HEATR5A: variants seen among roughly 807,000 people sequenced by gnomAD.
The protein encoded by HEATR5A is HEAT repeat containing 5A, also known as HEAT repeat-containing protein 5A.
HEATR5A carries 178 observed loss-of-function variants against 218.8 expected under a neutral mutation model. That is an observed-to-expected ratio of 0.81 (90% CI 0.72 to 0.92). The LOEUF (loss-of-function observed/expected upper bound fraction) is 0.92. Among genes scored for constraint, HEATR5A ranks in the 40% least tolerant of loss-of-function variants. The probability of loss-of-function intolerance (pLI) is 0.00; values close to 1 mark genes in which losing one functional copy is unlikely to be tolerated. For missense variants in HEATR5A, 2,420 were observed against 2,418.9 expected, an observed-to-expected ratio of 1.00 and a Z score of -0.01; for synonymous variants, 864 against 871.6, an observed-to-expected ratio of 0.99 and a Z score of 0.15.
At chr14:31,355,390 T>C (rs1313105584) in intron 16 of HEATR5A, among the ~76,000 whole-genome samples, 1 of 150,808 alleles carries the variant, frequency 6.6e-6, no homozygotes, top group East Asian at 2.0e-4. Flanking sequence ...TCCAGCCTGG[T>C]TGACAGAGCA....
At chr14:31,414,650 T>C (rs2139329010) in intron 1 of HEATR5A, among the ~76,000 whole-genome samples, 1 of 152,308 alleles carries the variant, frequency 6.6e-6, no homozygotes, top group South Asian at 2.1e-4. Flanking sequence ...CATCTGTTGC[T>C]TGTGCAATCT....
intron 16 of HEATR5A, among the ~76,000 whole-genome samples, 152 bp from the exon 17 acceptor site, chr14:31,350,869 C>T (rs756382092): frequency 3.3e-5 from 5 of 152,236 alleles, no homozygotes; most frequent in African/African-American, 4.8e-5. Context: ...CCTCCACCTT[C>T]CTGGCTCAAG....
At chr14:31,356,328 C>G (rs1156342811) in intron 16 of HEATR5A, among the ~76,000 whole-genome samples, 1 of 152,148 alleles carries the variant, frequency 6.6e-6, no homozygotes, top group African/African-American at 2.4e-5. Context: ...CCTCTAACTC[C>G]CAGTATCAAG....
intron 1 of HEATR5A, among the ~76,000 whole-genome samples, chr14:31,407,310 T>C (rs1034766427): frequency 2.0e-5 from 3 of 152,270 alleles, no homozygotes; most frequent in Middle Eastern, 3.4e-3. Context: ...TTTGTGGATA[T>C]ACGGAACTAG....
intron 11 of HEATR5A, 43 bp from the exon 12 acceptor site, chr14:31,375,011 T>A (rs370547366): frequency 1.2e-5 from 18 of 1,514,048 alleles, no homozygotes; most frequent in Non-Finnish European, 1.4e-5. Context: ...AATCCAAGGT[T>A]GTCACTCTTT....
intron 18 of HEATR5A, among the ~76,000 whole-genome samples, chr14:31,348,413 T>TAA (rs200988626): frequency 1.4e-5 from 2 of 147,516 alleles, no homozygotes; most frequent in African/African-American, 2.5e-5. Flanking sequence ...CTGTCTCTAC[T>TAA]AAAAAAAAAA....
intron 26 of HEATR5A, among the ~76,000 whole-genome samples, chr14:31,317,521 C>A (rs1450949190): frequency 1.3e-5 from 2 of 152,062 alleles, no homozygotes; most frequent in Non-Finnish European, 2.9e-5. Flanking sequence ...GTCTCTAACT[C>A]CTGACCTCAA....
chr14:31,302,852 C>T (rs1051308542), intron 32 of HEATR5A: 5 of 232,252 alleles, frequency 2.2e-5, no homozygotes, highest in Non-Finnish European at 4.2e-5. Flanking sequence ...TAAAGTTTAC[C>T]ATTTTAACCA....
intron 22 of HEATR5A, among the ~76,000 whole-genome samples, chr14:31,331,260 A>G (rs531163115): frequency 5.1e-4 from 77 of 152,142 alleles, no homozygotes; most frequent in African/African-American, 1.7e-3. Flanking sequence ...TTTTAAACAT[A>G]AATTCCAATT....
At position 31,293,658 on chromosome 14, in the gene HEATR5A, T is replaced by C. The variant is rs1422922130; in HGVS notation, c.5834-46A>G. 4.0e-6 allele frequency: 6 copies of C among 1,508,988 alleles called. No individual in the cohort carries two copies. The South Asian group carries it at 7.9e-5, about 20-fold the overall frequency. 93.5% of individuals were successfully genotyped at this position (1,508,988 alleles called of 1,614,324 possible). A position where few individuals can be genotyped will look rare whatever the true frequency, so the allele number is the denominator to read the frequency against. ...ATAAGTTCAGTGACATAAATGTTTC[T>C]AACAAAAGCCTGCAAATGCACTTGA... On this transcript the variant is annotated intron_variant, in intron 35 of 35. Transcript: ENST00000543095.
chr14:31,299,563 T>C (rs1899298456), intron 33 of HEATR5A, among the ~76,000 whole-genome samples: 1 of 148,228 alleles, frequency 6.7e-6, no homozygotes, highest in African/African-American at 2.5e-5. Flanking sequence ...CTACTAAAAA[T>C]ACAAAAAAAA....
chr14:31,411,912 G>A (rs1470235561), intron 1 of HEATR5A, among the ~76,000 whole-genome samples: 1 of 152,062 alleles, frequency 6.6e-6, no homozygotes, highest in East Asian at 1.9e-4. Context: ...CTAGAGTGCA[G>A]TGGTGTAATC....
At chr14:31,399,759 G>A (rs2030802420) in intron 3 of HEATR5A, among the ~76,000 whole-genome samples, 1 of 152,178 alleles carries the variant, frequency 6.6e-6, no homozygotes, top group Admixed American at 6.5e-5. Context: ...GAACCCAGGA[G>A]GCAGAGGTTG....
chr14:31,320,366 A>C, intron 25 of HEATR5A: 1 of 917,514 alleles, frequency 1.1e-6, no homozygotes, highest in Non-Finnish European at 1.8e-6. Context: ...CAAGCTGCCA[A>C]ACACCGCTCC....
chr14:31,352,651 A>G (rs532787344), intron 16 of HEATR5A, among the ~76,000 whole-genome samples: 1 of 152,282 alleles, frequency 6.6e-6, no homozygotes, highest in Admixed American at 6.5e-5. Context: ...AGTATGTATA[A>G]AATCAATTTA....
rs781022248 is a variant in HEATR5A, at chr14:31,293,469, A to T, written c.5977T>A (p.Ser1993Thr). Residue 1993 changes from serine to threonine, a missense_variant, in exon 36 of 36, where the codon TCT becomes ACT. Physicochemically the swap from Ser to Thr is moderately conservative, Grantham distance 58 (BLOSUM62 1). Transcript: ENST00000543095. Reference protein sequence around the residue: ...NLMQIGPQYSSVFKSLVASSP... With the variant: ...NLMQIGPQYSTVFKSLVASSP... ...GAAGCCACTAAACTTTTAAAAACAG[A>T]TGAATACTGAGGTCCAATTTGCATG... The T allele has an allele frequency of 2.5e-6, 4 of 1,614,000 alleles. No homozygotes were observed. The Admixed American group carries it at 6.7e-5, about 27-fold the overall frequency.
chr14:31,329,213 CT>C (rs549443909), intron 22 of HEATR5A, among the ~76,000 whole-genome samples: 10 of 152,320 alleles, frequency 6.6e-5, no homozygotes, highest in South Asian at 4.1e-4. Context: ...CATTCCACCC[CT>C]GGCCCCTCCC....
intron 2 of HEATR5A, among the ~76,000 whole-genome samples, chr14:31,400,902 C>A (rs976041367): frequency 6.6e-6 from 1 of 151,258 alleles, no homozygotes; most frequent in African/African-American, 2.4e-5. Context: ...TGCAGTGGCC[C>A]GATCTCCGGT....
rs61754288 is a variant in HEATR5A at position 31,388,981 on chromosome 14, C to T, written c.797G>A (p.Arg266Lys). 0.019 allele frequency: 30,654 copies of T among 1,612,390 alleles called. 375 individuals carry two copies. Among genetic ancestry groups the T allele is most frequent in the Middle Eastern group, 0.042 (252 of 6,058 alleles). ...TTCCAGAACTTCCTCCAAAGATACTCTGCGAATGCTTTGACGTGAGGCTGC... is the reference window on the plus strand; with the variant it reads ...TTCCAGAACTTCCTCCAAAGATACTTTGCGAATGCTTTGACGTGAGGCTGC... ...GTAASRQSIR[R>K]VSLEEVLELL... The change falls in exon 7 of 36, where the codon AGA becomes AAA. Residue 266 changes from arginine (R) to lysine (K), a missense_variant. Arg to Lys is a conservative substitution (Grantham distance 26). Coordinates refer to ENST00000543095, the MANE Select transcript of HEATR5A (RefSeq NM_015473.4).
Sources: allele counts gnomAD v4.1 joint callset (sites outside exome capture counted in the v4.1 genomes callset), GRCh38; gene constraint gnomAD v4.1.1; transcripts MANE v1.5; gene names NCBI Gene and HGNC (gene_info 2026-07-23, HGNC 2026-07-21).